Variants in C6 observed in about 807,000 individuals in gnomAD.
C6 encodes the protein complement C6.
A neutral mutation model predicts 112.9 loss-of-function variants in C6; 101 were observed. The observed-to-expected ratio is 0.89, with a 90% CI of 0.76 to 1.06. C6 has a LOEUF of 1.06. Ranked by LOEUF, C6 falls within the 50% of genes least tolerant of loss-of-function variation. The pLI is 0.00. For synonymous variants in C6, 431 were observed against 384.1 expected (o/e 1.12, Z -1.43); for missense variants, 1,202 against 1,104.6 (o/e 1.09, Z -1.25).
chr5:41,198,532 A>G (rs1750777805), intron 4 of C6, among the ~76,000 whole-genome samples: 1 of 152,160 alleles, frequency 6.6e-6, no homozygotes, highest in Admixed American at 6.5e-5. Flanking sequence ...ACGGAGTAGC[A>G]GCCGCTTAAC....
At chr5:41,158,099 T>C (rs1224352365) in intron 13 of C6, among the ~76,000 whole-genome samples, 2 of 152,160 alleles carry the variant, frequency 1.3e-5, no homozygotes, top group African/African-American at 2.4e-5. Flanking sequence ...CTTTTAGATA[T>C]CATGTATCAC....
intron 2 of C6, 79 bp from the exon 3 acceptor site, chr5:41,201,793 C>A: frequency 7.9e-7 from 1 of 1,264,854 alleles, no homozygotes; most frequent in Non-Finnish European, 1.2e-6. Flanking sequence ...TATCATTGAG[C>A]ATTAACTACA....
intron 1 of C6, among the ~76,000 whole-genome samples, chr5:41,229,330 GA>G (rs1423145090): frequency 1.4e-5 from 2 of 146,836 alleles, no homozygotes; most frequent in African/African-American, 5.2e-5. Flanking sequence ...ACTTCATTCA[GA>G]ACTTTTTTTT....
chr5:41,154,171 A>G (rs1746677687), intron 14 of C6, among the ~76,000 whole-genome samples, 173 bp from the exon 15 acceptor site: 1 of 152,236 alleles, frequency 6.6e-6, no homozygotes, highest in Admixed American at 6.5e-5. Flanking sequence ...GCTTTCCCTC[A>G]GACCCTTCAT....
At position 41,181,374 on chromosome 5, in the gene C6, T is replaced by C. The variant is rs1185423550; in HGVS notation, c.912A>G (p.Gln304=). 2 of 1,613,744 alleles carry C rather than the reference T, an allele frequency of 1.2e-6. No homozygotes were observed. Among genetic ancestry groups the C allele is most frequent in the Admixed American group, 3.3e-5 (2 of 60,016 alleles). Residue 304 remains glutamine (Q), a synonymous_variant, in exon 7 of 18, where the codon CAA becomes CAG. Coordinates refer to ENST00000337836, the MANE Select transcript of C6 (RefSeq NM_000065.5). The part of the protein sequence containing the change: ...NHNSAFKQAI[Q]ASHKKDSSFI... ...TTTTTGATACCTTTTTGTGAGAGGC[T>C]TGAATGGCTTGTTTGAAGGCAGAAT...
At chr5:41,217,249 C>A (rs984209674), upstream of C6, among the ~76,000 whole-genome samples, 2 of 151,986 alleles carry the variant, frequency 1.3e-5, no homozygotes, top group Non-Finnish European at 2.9e-5. Flanking sequence ...CTCTTTTTAC[C>A]TTTCATATGG....
At chr5:41,245,250 C>T (rs116599594) in intron 1 of C6, among the ~76,000 whole-genome samples, 3,900 of 152,156 alleles carry the variant, frequency 0.026, 167 homozygotes, top group African/African-American at 0.089. Flanking sequence ...AATTTAACAG[C>T]CATGTGTGGT....
At chr5:41,149,161 G>A in intron 17 of C6, 80 bp downstream of exon 17, 1 of 1,506,774 alleles carries the variant, frequency 6.6e-7, no homozygotes. Context: ...TTAAGGATAG[G>A]TTATTTTTAA....
chr5:41,154,876 A>G, intron 14 of C6, 96 bp downstream of exon 14: 1 of 1,281,648 alleles, frequency 7.8e-7, no homozygotes, highest in Non-Finnish European at 1.1e-6. Context: ...AAAAACTAGT[A>G]AAATGTATTG....
intron 15 of C6, chr5:41,152,714 A>G (rs1277465367): frequency 6.6e-6 from 1 of 152,182 alleles, no homozygotes. Flanking sequence ...GGCTTTAGCT[A>G]CTATGGTTTA....
intron 15 of C6, among the ~76,000 whole-genome samples, chr5:41,152,440 G>A (rs960487045): frequency 6.6e-6 from 1 of 152,108 alleles, no homozygotes; most frequent in Non-Finnish European, 1.5e-5. Context: ...TGACTATTCA[G>A]GCATCCCAAG....
rs371883718 is a variant in C6 at position 41,258,362 on chromosome 5, T to C, written c.-21+2832A>G. Among the ~76,000 whole-genome samples the C allele has an allele frequency of 9.9e-5, 15 of 152,010 alleles. 1 individual carries two copies. The East Asian group carries it at 2.9e-3, about 30-fold the overall frequency. ...TTTTTGTTTTTATTTTTGGCTGAAG[T>C]ATCTACACTGTAGTAATTTCATGAT... is the stretch of plus-strand genomic sequence containing the variant. On this transcript the variant is annotated intron_variant, in intron 1 of 17. Coordinates refer to the C6 transcript ENST00000263413.
chr5:41,172,517 A>T lies in C6; in HGVS notation c.1169-170T>A, dbSNP rs1748514687. ...TCAAGTTAGTTTTACCTATAGATTC[A>T]ATCCTGCATGGGCCCAGAGATGATC... On this transcript the variant is annotated intron_variant, in intron 8 of 17. Coordinates refer to ENST00000337836, the MANE Select transcript of C6 (RefSeq NM_000065.5). The T allele has an allele frequency of 1.5e-5, 10 of 684,250 alleles. No individual in the cohort carries two copies. The South Asian group carries it at 1.7e-4, about 11-fold the overall frequency. The allele number at this position is 684,250 out of a possible 1,614,324, so 42.4% of individuals were successfully genotyped here.
intron 9 of C6, among the ~76,000 whole-genome samples, chr5:41,171,735 T>C (rs549830730): frequency 6.6e-4 from 100 of 152,340 alleles, no homozygotes; most frequent in African/African-American, 2.3e-3. Context: ...TCTTTCCATT[T>C]GCCAAAGTCT....
chr5:41,193,302 A>C (rs1384089794), intron 5 of C6, among the ~76,000 whole-genome samples: 1 of 152,186 alleles, frequency 6.6e-6, no homozygotes, highest in Non-Finnish European at 1.5e-5. Flanking sequence ...TTTCCAGCAG[A>C]CCATGCCTGA....
At chr5:41,253,546 C>T (rs1741495597) in intron 1 of C6, among the ~76,000 whole-genome samples, 1 of 152,178 alleles carries the variant, frequency 6.6e-6, no homozygotes, top group Non-Finnish European at 1.5e-5. Context: ...TTTATCAAGG[C>T]TGTAAACTAG....
At chr5:41,187,689 G>GACAC (rs1456667940) in intron 5 of C6, among the ~76,000 whole-genome samples, 5 of 62,322 alleles carry the variant, frequency 8.0e-5, no homozygotes, top group Admixed American at 2.1e-4. Context: ...AAAGTACACA[G>GACAC]ACACACACAT....
At chr5:41,170,215 C>A (rs965550805) in intron 9 of C6, among the ~76,000 whole-genome samples, 1 of 151,932 alleles carries the variant, frequency 6.6e-6, no homozygotes, top group African/African-American at 2.4e-5. Flanking sequence ...CCATTTCCAT[C>A]AAATTTTCTT....
At position 41,241,393 on chromosome 5, in the gene C6, C is replaced by T. The variant is rs185372429; in HGVS notation, c.-21+19801G>A. ...CACCACTGGATCTTGGCTTCATTCT[C>T]TTTACCAGGGTTGAGCCCCTGGGAG... is the stretch of plus-strand genomic sequence containing the variant. On this transcript the variant is annotated intron_variant, in intron 1 of 17. Transcript: ENST00000263413. Among the ~76,000 whole-genome samples the T allele has an allele frequency of 3.3e-3, 507 of 152,254 alleles. 2 individuals are homozygous for T. Among genetic ancestry groups the T allele is most frequent in the Middle Eastern group, 6.8e-3 (2 of 294 alleles).
Sources: allele counts gnomAD v4.1 joint callset (sites outside exome capture counted in the v4.1 genomes callset), GRCh38; gene constraint gnomAD v4.1.1; transcripts MANE v1.5; gene names NCBI Gene and HGNC (gene_info 2026-07-23, HGNC 2026-07-21).